The following COL26A1 variants were observed in gnomAD, a reference collection of about 807,000 sequenced individuals.
COL26A1 encodes collagen type XXVI alpha 1 chain.
In COL26A1, 41 loss-of-function variants were observed where a neutral mutation model predicts 59.3. The ratio of observed to expected loss-of-function variants is 0.69; its 90% CI spans 0.54 to 0.90. The LOEUF (loss-of-function observed/expected upper bound fraction) is 0.90. COL26A1 is among the 40% of genes least tolerant of loss of function. The pLI is 0.00. For synonymous variants in COL26A1, 266 were observed against 256.0 expected, an observed-to-expected ratio of 1.04 and a Z score of -0.37; for missense variants, 612 against 602.3, an observed-to-expected ratio of 1.02 and a Z score of -0.17.
intron 10 of COL26A1, among the ~76,000 whole-genome samples, chr7:101,551,694 C>A (rs1323632295): frequency 6.6e-6 from 1 of 151,506 alleles, no homozygotes; most frequent in African/African-American, 2.4e-5. Flanking sequence ...TGCAGCGAGC[C>A]AGGATCACGC....
intron 1 of COL26A1, 115 bp downstream of exon 1, chr7:101,363,305 G>T: frequency 1.1e-6 from 1 of 902,650 alleles, no homozygotes; most frequent in Non-Finnish European, 1.6e-6. Flanking sequence ...GGCGATCCGG[G>T]ACTTGGGGGC....
chr7:101,520,082 G>T (rs1308369402), intron 3 of COL26A1, among the ~76,000 whole-genome samples: 2 of 152,212 alleles, frequency 1.3e-5, no homozygotes, highest in African/African-American at 4.8e-5. Flanking sequence ...CCCTCAGCCT[G>T]CAGGGAGTGT....
At chr7:101,450,622 TA>T (rs1228162211) in intron 3 of COL26A1, among the ~76,000 whole-genome samples, 1 of 150,614 alleles carries the variant, frequency 6.6e-6, no homozygotes, top group African/African-American at 2.4e-5. Flanking sequence ...TGTGTGTGTA[TA>T]TATATAATAT....
chr7:101,397,503 C>CT (rs1417707820), intron 1 of COL26A1, among the ~76,000 whole-genome samples: 88 of 144,930 alleles, frequency 6.1e-4, no homozygotes, highest in African/African-American at 2.1e-3. Context: ...TCTCCTTCTC[C>CT]TTCCCTTCCC....
intron 1 of COL26A1, among the ~76,000 whole-genome samples, chr7:101,404,546 G>A (rs931907225): frequency 1.3e-5 from 2 of 152,110 alleles, no homozygotes; most frequent in African/African-American, 4.8e-5. Context: ...CAATAGCACC[G>A]ATATGAATGT....
chr7:101,470,462 A>G (rs1009366443), intron 3 of COL26A1, among the ~76,000 whole-genome samples: 1 of 151,566 alleles, frequency 6.6e-6, no homozygotes, highest in Non-Finnish European at 1.5e-5. Flanking sequence ...TTTCTTCTCT[A>G]TGTCTGCTGC....
intron 3 of COL26A1, among the ~76,000 whole-genome samples, chr7:101,471,717 C>T (rs1484095974): frequency 1.3e-5 from 2 of 151,364 alleles, no homozygotes; most frequent in South Asian, 2.1e-4. Context: ...GTAGCTGGGA[C>T]GATAGGCACG....
At chr7:101,375,637 T>C (rs138242379) in intron 1 of COL26A1, among the ~76,000 whole-genome samples, 2,724 of 149,392 alleles carry the variant, frequency 0.018, 65 homozygotes, top group African/African-American at 0.064. Context: ...CCCAGGAGTG[T>C]GAGACCAGCC....
rs28779007 is a variant in COL26A1 at position 101,456,830 on chromosome 7, G to A, written c.385+9043G>A. Among the ~76,000 whole-genome samples, 272 of 152,234 alleles carry A rather than the reference G, an allele frequency of 1.8e-3. 1 individual carries two copies. The highest frequency in any genetic ancestry group is 6.3e-3 in the African/African-American group (262 of 41,564). ...TGTGCCAGGCCCACAGATGTTAAAT[G>A]TACAATTTGATGAGTTTTGATAAAT... On this transcript the variant is annotated intron_variant, in intron 3 of 12. Coordinates refer to ENST00000313669, the MANE Select transcript of COL26A1 (RefSeq NM_001278563.3).
At chr7:101,520,662 A>ACACACACACACACACACACAC (rs915256077) in intron 3 of COL26A1, among the ~76,000 whole-genome samples, 9 of 143,238 alleles carry the variant, frequency 6.3e-5, no homozygotes, top group African/African-American at 2.1e-4. Context: ...ACACACACAC[A>ACACACACACACACACACACAC]CCCCCGTGTT....
intron 3 of COL26A1, among the ~76,000 whole-genome samples, chr7:101,457,303 G>A (rs903147876): frequency 5.3e-5 from 8 of 152,130 alleles, no homozygotes; most frequent in African/African-American, 1.7e-4. Flanking sequence ...GTTATCTATA[G>A]GAGCAACTGG....
At chr7:101,499,852 C>A (rs1371865177) in intron 3 of COL26A1, among the ~76,000 whole-genome samples, 1 of 146,878 alleles carries the variant, frequency 6.8e-6, no homozygotes. Context: ...TGCACTCCAA[C>A]CTGGGTGATA....
At position 101,557,502 on chromosome 7, in the gene COL26A1, G is replaced by A. The variant is rs1447409201; in HGVS notation, c.1298G>A (p.Ser433Asn). 6.2e-7 allele frequency: 1 copy of A among 1,612,108 alleles called. No homozygotes were observed. Among genetic ancestry groups the A allele is most frequent in the Admixed American group, 1.7e-5 (1 of 59,962 alleles). Residue 433 changes from serine (S) to asparagine (N), a missense_variant, in exon 13 of 13, where the codon AGC becomes AAC. Transcript: ENST00000313669. ...CTTGGGCCCGACCCTGGACAGAAGA[G>A]CGTGGACCAGGCCAGCAGCAGGAAG... ...ALLGPDPGQK[S>N]VDQASSRK
chr7:101,382,301 C>T (rs1791467470), intron 1 of COL26A1, among the ~76,000 whole-genome samples: 2 of 152,126 alleles, frequency 1.3e-5, no homozygotes, highest in African/African-American at 2.4e-5. Context: ...CTGGGTTGGC[C>T]TCCCAAAGCA....
intron 1 of COL26A1, among the ~76,000 whole-genome samples, chr7:101,391,253 G>T (rs1042834387): frequency 6.6e-6 from 1 of 152,212 alleles, no homozygotes; most frequent in East Asian, 1.9e-4. Flanking sequence ...GAGCATATAG[G>T]GGGGTGTGGG....
At chr7:101,367,503 A>C (rs1791074362) in intron 1 of COL26A1, among the ~76,000 whole-genome samples, 1 of 147,404 alleles carries the variant, frequency 6.8e-6, no homozygotes, top group South Asian at 2.2e-4. Flanking sequence ...CGTGTCTACT[A>C]AAAATACAAA....
chr7:101,491,197 A>G (rs1402666313), intron 3 of COL26A1, among the ~76,000 whole-genome samples: 1 of 152,074 alleles, frequency 6.6e-6, no homozygotes, highest in African/African-American at 2.4e-5. Context: ...GTTTGAAGCC[A>G]CCTTCAACTA....
intron 3 of COL26A1, among the ~76,000 whole-genome samples, chr7:101,525,406 C>T (rs1795222498): frequency 6.6e-6 from 1 of 151,038 alleles, no homozygotes; most frequent in Non-Finnish European, 1.5e-5. Flanking sequence ...TGGTCTTGAT[C>T]TCCTGAAGTC....
rs144308315 is a variant in COL26A1 at position 101,480,929 on chromosome 7, G to A, written c.385+33142G>A. On this transcript the variant is annotated intron_variant, in intron 3 of 12. Transcript: ENST00000313669. ...GAGAAAACAAGCAGTCCGGATTGTGGAACCATTCTTCCACAAAGCTTTGTA... is the reference window on the plus strand; with the variant it reads ...GAGAAAACAAGCAGTCCGGATTGTGAAACCATTCTTCCACAAAGCTTTGTA... Among the ~76,000 whole-genome samples the A allele has an allele frequency of 2.1e-3, 319 of 152,246 alleles. 2 individuals are homozygous for A. The highest frequency in any genetic ancestry group is 7.4e-3 in the African/African-American group (308 of 41,556).
Sources: allele counts gnomAD v4.1 joint callset (sites outside exome capture counted in the v4.1 genomes callset), GRCh38; gene constraint gnomAD v4.1.1; transcripts MANE v1.5; gene names NCBI Gene and HGNC (gene_info 2026-07-23, HGNC 2026-07-21).